RAP1GAP2: variants seen among roughly 807,000 people sequenced by gnomAD.
The protein encoded by RAP1GAP2 is RAP1 GTPase activating protein 2, also known as rap1 GTPase-activating protein 2.
In RAP1GAP2, 27 loss-of-function variants were observed where a neutral mutation model predicts 95.0. That is an observed-to-expected ratio of 0.28 (90% CI 0.21 to 0.39). The LOEUF is 0.39. Among genes scored for constraint, RAP1GAP2 ranks in the 10% least tolerant of loss-of-function variants. The probability of loss-of-function intolerance (pLI) is 1.00; values close to 1 mark genes in which losing one functional copy is unlikely to be tolerated. For synonymous variants in RAP1GAP2, 373 were observed against 380.9 expected (o/e 0.98, Z 0.24); for missense variants, 771 against 970.0 (o/e 0.79, Z 2.72).
intron 14 of RAP1GAP2, among the ~76,000 whole-genome samples, chr17:3,000,135 G>T (rs1310571888): frequency 6.6e-6 from 1 of 152,136 alleles, no homozygotes; most frequent in Non-Finnish European, 1.5e-5. Flanking sequence ...TTTTAGTAGA[G>T]ACGGGGTTTC....
chr17:3,013,632 C>CTA (rs2046646910), intron 17 of RAP1GAP2, among the ~76,000 whole-genome samples: 1 of 78,878 alleles, frequency 1.3e-5, no homozygotes, highest in Non-Finnish European at 2.2e-5. Context: ...CTTTTCTTTT[C>CTA]TTTTTTTTTT....
intron 1 of RAP1GAP2, among the ~76,000 whole-genome samples, chr17:2,799,874 C>A (rs559858431): frequency 6.6e-6 from 1 of 152,228 alleles, no homozygotes; most frequent in East Asian, 1.9e-4. Context: ...CCAGTGAGGG[C>A]GGGCACAGGC....
rs368173188 is a variant in RAP1GAP2, at chr17:2,806,087, C to T, written c.80+5537C>T. 9.5e-4 allele frequency among the ~76,000 whole-genome samples: 144 copies of T among 152,258 alleles called. 1 individual carries two copies. Among genetic ancestry groups the T allele is most frequent in the African/African-American group, 2.8e-3 (116 of 41,564 alleles). ...TGTGATTTCTTCCCTAGGAGAAGGA[C>T]GGGGAGGGCCTGGAGGAGCTCCTGC... On this transcript the variant is annotated intron_variant, in intron 2 of 24. Coordinates refer to ENST00000254695, the MANE Select transcript of RAP1GAP2 (RefSeq NM_015085.5).
At chr17:2,895,245 C>T (rs1056848937) in intron 2 of RAP1GAP2, among the ~76,000 whole-genome samples, 8 of 152,198 alleles carry the variant, frequency 5.3e-5, no homozygotes, top group Non-Finnish European at 8.8e-5. Context: ...CCCAGGTGCC[C>T]TCGGGGGCCC....
At chr17:2,913,902 G>A (rs967728748) in intron 3 of RAP1GAP2, among the ~76,000 whole-genome samples, 10 of 150,918 alleles carry the variant, frequency 6.6e-5, no homozygotes, top group African/African-American at 2.2e-4. Context: ...GTGGAGTCTC[G>A]CTCTGTTGCC....
Position 2,860,262 on chromosome 17 carries a change from C to T in RAP1GAP2, c.81-45022C>T, listed in dbSNP as rs1308674347. 2.6e-5 allele frequency among the ~76,000 whole-genome samples: 4 copies of T among 152,174 alleles called. No individual in the cohort carries two copies. In the East Asian group the frequency reaches 7.7e-4, roughly 29 times the overall value. On this transcript the variant is annotated intron_variant, in intron 2 of 24. Coordinates refer to ENST00000254695, the MANE Select transcript of RAP1GAP2 (RefSeq NM_015085.5). ...TCCTGCCCTTTCTGGAAGGGCCTGT[C>T]TCCTGTCCTCTTCTGTCTGATGTTT...
intron 3 of RAP1GAP2, among the ~76,000 whole-genome samples, chr17:2,922,901 TGCACTACCTTGGCTTGTG>T (rs986093257): frequency 4.0e-5 from 6 of 150,234 alleles, no homozygotes; most frequent in African/African-American, 1.2e-4. Context: ...GGTGCGACCT[TGCACTACCTTGGCTTGTG>T]GCACGACCTT....
At chr17:2,875,766 C>T (rs1312198019) in intron 2 of RAP1GAP2, among the ~76,000 whole-genome samples, 3 of 152,072 alleles carry the variant, frequency 2.0e-5, no homozygotes, top group Non-Finnish European at 2.9e-5. Flanking sequence ...CACCTGCTGT[C>T]GTGCCTGGGC....
chr17:2,780,216 A>G (rs183440271), intron 1 of RAP1GAP2, among the ~76,000 whole-genome samples: 1 of 152,078 alleles, frequency 6.6e-6, no homozygotes, highest in Admixed American at 6.5e-5. Flanking sequence ...ACGTCCTACT[A>G]ATTTTTGTAT....
At chr17:2,813,227 C>G (rs911540436) in intron 2 of RAP1GAP2, among the ~76,000 whole-genome samples, 5 of 151,892 alleles carry the variant, frequency 3.3e-5, no homozygotes, top group Non-Finnish European at 7.4e-5. Context: ...TGCATGCCAC[C>G]ATGCCCAGAT....
intron 2 of RAP1GAP2, among the ~76,000 whole-genome samples, chr17:2,893,910 G>T (rs1198404989): frequency 6.6e-6 from 1 of 152,196 alleles, no homozygotes; most frequent in Non-Finnish European, 1.5e-5. Flanking sequence ...CCTGAGCACC[G>T]CCCTTCCAGC....
intron 2 of RAP1GAP2, among the ~76,000 whole-genome samples, chr17:2,771,129 G>C (rs2068383326): frequency 6.6e-6 from 1 of 152,124 alleles, no homozygotes; most frequent in Admixed American, 6.6e-5. Flanking sequence ...CCAAAGACTG[G>C]AGATCCCTGG....
At position 2,963,586 on chromosome 17, in the gene RAP1GAP2, C is replaced by A; in HGVS notation, c.279+124C>A. Reference sequence around the variant, plus strand: ...AGAGAACCTTGGGCCTGGGACCTCTCTTCCTGTCTTTGCCTTTGTAACCTC... The same window carrying A: ...AGAGAACCTTGGGCCTGGGACCTCTATTCCTGTCTTTGCCTTTGTAACCTC... On this transcript the variant is annotated intron_variant, in intron 6 of 24. Transcript: ENST00000254695. This position sits in a 1 kb window ranked among gnomAD's most constrained non-coding sequence, Gnocchi z 4.8. The A allele has an allele frequency of 7.7e-7, 1 of 1,300,810 alleles. No homozygotes were observed. Among genetic ancestry groups the A allele is most frequent in the Non-Finnish European group, 1.1e-6 (1 of 910,100 alleles). 80.6% of individuals were successfully genotyped at this position (1,300,810 alleles called of 1,614,324 possible).
At chr17:2,979,621 C>A (rs773430680) in intron 8 of RAP1GAP2, among the ~76,000 whole-genome samples, 14 of 151,798 alleles carry the variant, frequency 9.2e-5, no homozygotes, top group Non-Finnish European at 2.1e-4. Context: ...CACCCACCAC[C>A]GCGCCCAGCT....
chr17:2,800,846 TC>T (rs2069259230), intron 2 of RAP1GAP2, among the ~76,000 whole-genome samples: 1 of 97,876 alleles, frequency 1.0e-5, no homozygotes. Context: ...TTTCTTTCTT[TC>T]TTTCTTTCTT....
At chr17:2,968,622 A>C (rs542733229) in intron 8 of RAP1GAP2, among the ~76,000 whole-genome samples, 29 of 152,154 alleles carry the variant, frequency 1.9e-4, no homozygotes, top group Non-Finnish European at 3.4e-4. Flanking sequence ...GAAGACAAAG[A>C]AAACACACTT....
chr17:2,855,850 G>A lies in RAP1GAP2; in HGVS notation c.81-49434G>A, dbSNP rs916392511. On this transcript the variant is annotated intron_variant, in intron 2 of 24. Coordinates refer to ENST00000254695, the MANE Select transcript of RAP1GAP2 (RefSeq NM_015085.5). The surrounding 1 kb of genome is among the most constrained non-coding windows in gnomAD (Gnocchi z 4.3). The stretch of plus-strand genomic sequence containing the variant: ...GGTGGTCTCAAACTCCTGAGCTCAG[G>A]CGATCCACCTGCCTCGGCCTCTCAA... Among the ~76,000 whole-genome samples the A allele has an allele frequency of 6.6e-6, 1 of 152,158 alleles. No individual in the cohort carries two copies. Among genetic ancestry groups the A allele is most frequent in the Non-Finnish European group, 1.5e-5 (1 of 68,034 alleles).
intron 2 of RAP1GAP2, among the ~76,000 whole-genome samples, chr17:2,873,310 A>C (rs2072929495): frequency 6.9e-6 from 1 of 145,724 alleles, no homozygotes; most frequent in African/African-American, 2.6e-5. Context: ...AAATACAAAA[A>C]AAAAAAAAAA....
intron 2 of RAP1GAP2, among the ~76,000 whole-genome samples, chr17:2,869,439 GA>G (rs113819769): frequency 0.065 from 9,289 of 143,000 alleles, 358 homozygotes; most frequent in African/African-American, 0.13. Context: ...GTAAAATGAT[GA>G]AAAAAAAAAA....
Sources: allele counts gnomAD v4.1 joint callset (sites outside exome capture counted in the v4.1 genomes callset), GRCh38; gene constraint gnomAD v4.1.1; non-coding constraint Gnocchi (gnomAD v3.1); transcripts MANE v1.5; gene names NCBI Gene and HGNC (gene_info 2026-07-23, HGNC 2026-07-21).